Variants in KIAA1328 observed in about 807,000 individuals in gnomAD.
The protein encoded by KIAA1328 is KIAA1328, also known as protein hinderin.
KIAA1328 carries 52 observed loss-of-function variants against 68.1 expected under a neutral mutation model. That is an observed-to-expected ratio of 0.76 (90% CI 0.61 to 0.96). The LOEUF is 0.96. KIAA1328 is among the 40% of genes least tolerant of loss of function. The pLI is 0.00. For synonymous variants in KIAA1328, 232 were observed against 239.4 expected (o/e 0.97, Z 0.28); for missense variants, 641 against 677.6 (o/e 0.95, Z 0.60).
At chr18:36,945,437 A>C (rs1252211719) in intron 5 of KIAA1328, among the ~76,000 whole-genome samples, 1 of 152,128 alleles carries the variant, frequency 6.6e-6, no homozygotes, top group Non-Finnish European at 1.5e-5. Context: ...AGTAATTTAC[A>C]TGTGTGATCA....
chr18:37,149,199 T>C (rs2058973755), intron 7 of KIAA1328, among the ~76,000 whole-genome samples: 1 of 152,162 alleles, frequency 6.6e-6, no homozygotes, highest in Admixed American at 6.6e-5. Flanking sequence ...AGCATGGTAC[T>C]GGTACAAAGA....
chr18:37,174,012 A>C (rs1165393629), intron 9 of KIAA1328, among the ~76,000 whole-genome samples: 2 of 152,196 alleles, frequency 1.3e-5, no homozygotes, highest in East Asian at 3.9e-4. Flanking sequence ...AGCATCTTAA[A>C]GAACTTTTGA....
chr18:37,138,630 G>T (rs967529413), intron 7 of KIAA1328, among the ~76,000 whole-genome samples: 1 of 151,726 alleles, frequency 6.6e-6, no homozygotes, highest in Non-Finnish European at 1.5e-5. Flanking sequence ...TCATGACCCC[G>T]CCCCCATTCT....
intron 5 of KIAA1328, among the ~76,000 whole-genome samples, chr18:36,954,249 G>T (rs967027193): frequency 7.2e-5 from 11 of 152,102 alleles, no homozygotes; most frequent in Middle Eastern, 3.4e-3. Context: ...TGATCCACCC[G>T]CCTCGGCCTC....
chr18:37,051,633 G>A (rs2055697495), intron 6 of KIAA1328, among the ~76,000 whole-genome samples: 1 of 152,150 alleles, frequency 6.6e-6, no homozygotes, highest in Non-Finnish European at 1.5e-5. Flanking sequence ...AAGCAGAGCT[G>A]GTACGAATCT....
chr18:37,165,429 A>AT (rs1450126041), intron 8 of KIAA1328, among the ~76,000 whole-genome samples: 1 of 150,856 alleles, frequency 6.6e-6, no homozygotes, highest in Non-Finnish European at 1.5e-5. Context: ...TTATTTACTT[A>AT]TTTTTTTGAG....
chr18:36,907,452 A>T (rs1310300612), intron 5 of KIAA1328, among the ~76,000 whole-genome samples: 1 of 152,134 alleles, frequency 6.6e-6, no homozygotes, highest in Non-Finnish European at 1.5e-5. Flanking sequence ...TATTTAGATT[A>T]AGGAAGTTCT....
chr18:36,861,591 C>T (rs556392402), intron 4 of KIAA1328, among the ~76,000 whole-genome samples: 1 of 152,186 alleles, frequency 6.6e-6, no homozygotes, highest in Admixed American at 6.5e-5. Context: ...AGGATGAGCT[C>T]TCCCTTTTGC....
intron 7 of KIAA1328, among the ~76,000 whole-genome samples, chr18:37,155,928 C>T (rs914585300): frequency 6.6e-6 from 1 of 152,128 alleles, no homozygotes; most frequent in Admixed American, 6.6e-5. Flanking sequence ...TACATTTTTC[C>T]TTATCTTTCA....
At chr18:36,913,479 TACACACAC>T (rs10582262) in intron 5 of KIAA1328, among the ~76,000 whole-genome samples, 1,457 of 91,404 alleles carry the variant, frequency 0.016, 16 homozygotes, top group Middle Eastern at 0.027. Context: ...ATTACAACCT[TACACACAC>T]ACACACACAC....
chr18:37,087,961 C>G (rs761540478), intron 7 of KIAA1328, among the ~76,000 whole-genome samples: 11 of 152,162 alleles, frequency 7.2e-5, no homozygotes, highest in Non-Finnish European at 1.3e-4. Context: ...CAGTCATCTT[C>G]ATACAATGGG....
At chr18:36,946,964 C>T (rs1426512627) in intron 5 of KIAA1328, among the ~76,000 whole-genome samples, 2 of 152,200 alleles carry the variant, frequency 1.3e-5, no homozygotes, top group South Asian at 4.2e-4. Context: ...TGGATTGCTT[C>T]GTGTGGGAGA....
chr18:37,174,378 TC>T (rs2059556727), intron 9 of KIAA1328, among the ~76,000 whole-genome samples: 1 of 145,392 alleles, frequency 6.9e-6, no homozygotes, highest in Non-Finnish European at 1.5e-5. Context: ...GCTGCTTTCT[TC>T]CTTTTTTTTT....
intron 6 of KIAA1328, among the ~76,000 whole-genome samples, chr18:37,024,426 G>A (rs2054479535): frequency 6.6e-6 from 1 of 151,058 alleles, no homozygotes; most frequent in Non-Finnish European, 1.5e-5. Flanking sequence ...CGTGCACAAT[G>A]TGCAGGTTTG....
At chr18:37,008,688 A>G (rs1306105619) in intron 6 of KIAA1328, among the ~76,000 whole-genome samples, 2 of 152,224 alleles carry the variant, frequency 1.3e-5, no homozygotes, top group Non-Finnish European at 2.9e-5. Context: ...AGAAGTTCTC[A>G]GCAGAGAAAT....
chr18:37,225,546 G>A (rs1373280469), downstream of KIAA1328, among the ~76,000 whole-genome samples: 6 of 152,302 alleles, frequency 3.9e-5, no homozygotes, highest in East Asian at 5.8e-4. Flanking sequence ...CTCACATCAC[G>A]TGAACACCAA....
chr18:37,187,873 A>ACTTAGTAACCTGG (rs2059833820), intron 9 of KIAA1328, among the ~76,000 whole-genome samples: 1 of 152,184 alleles, frequency 6.6e-6, no homozygotes, highest in Non-Finnish European at 1.5e-5. Context: ...CACCACAGTC[A>ACTTAGTAACCTGG]TGTACTTAGT....
Position 37,177,967 on chromosome 18 carries a change from G to A in KIAA1328, c.1523+4886G>A, listed in dbSNP as rs150976273. On this transcript the variant is annotated intron_variant, in intron 9 of 9. Coordinates refer to ENST00000280020, the MANE Select transcript of KIAA1328 (RefSeq NM_020776.3). ...CCTCATACATTTATCATTTCTTTAT[G>A]GTGAGAACATTCAAAATCCTCTCTT... Among the ~76,000 whole-genome samples, 713 of 151,972 alleles carry A rather than the reference G, an allele frequency of 4.7e-3. 5 individuals are homozygous for A. Among genetic ancestry groups the A allele is most frequent in the Non-Finnish European group, 8.2e-3 (556 of 67,964 alleles).
intron 6 of KIAA1328, among the ~76,000 whole-genome samples, chr18:37,025,699 G>A (rs1215613745): frequency 2.6e-5 from 4 of 152,150 alleles, no homozygotes; most frequent in Admixed American, 6.5e-5. Context: ...AAACATACCA[G>A]AATCTCTGGG....
Sources: allele counts gnomAD v4.1 joint callset (sites outside exome capture counted in the v4.1 genomes callset), GRCh38; gene constraint gnomAD v4.1.1; transcripts MANE v1.5; gene names NCBI Gene and HGNC (gene_info 2026-07-23, HGNC 2026-07-21).